TSHZ2: variants seen among roughly 807,000 people sequenced by gnomAD.
The protein encoded by TSHZ2 is teashirt homolog 2.
TSHZ2 carries 21 observed loss-of-function variants against 74.4 expected under a neutral mutation model. That is an observed-to-expected ratio of 0.28 (90% CI 0.20 to 0.41). The LOEUF (loss-of-function observed/expected upper bound fraction) is 0.41. TSHZ2 is among the 10% of genes least tolerant of loss of function. The pLI, the probability that TSHZ2 is intolerant of heterozygous loss-of-function variation, is 1.00. For missense variants in TSHZ2, 1,244 were observed against 1,293.5 expected, an observed-to-expected ratio of 0.96 and a Z score of 0.59; for synonymous variants, 540 against 515.3, an observed-to-expected ratio of 1.05 and a Z score of -0.65.
Position 53,185,427 on chromosome 20 carries a change from C to A in TSHZ2, c.41-68072C>A, listed in dbSNP as rs1018305677. ...AGGTGGTTCAAGCCTGTGATTCCAG[C>A]ACTTTGGGAGGCCGAGGCAGGCAGA... On this transcript the variant is annotated intron_variant, in intron 1 of 2. Transcript: ENST00000371497. The A allele has an allele frequency of 2.3e-6, 3 of 1,307,576 alleles. No homozygotes were observed. The Admixed American group carries it at 9.5e-5, about 41-fold the overall frequency. 81.0% of individuals were successfully genotyped at this position (1,307,576 alleles called of 1,614,324 possible). A position where few individuals can be genotyped will look rare whatever the true frequency, so the allele number is the denominator to read the frequency against.
intron 2 of TSHZ2, among the ~76,000 whole-genome samples, chr20:53,303,764 T>C (rs1978402602): frequency 6.6e-6 from 1 of 152,212 alleles, no homozygotes; most frequent in African/African-American, 2.4e-5. Context: ...ATCTGTGAAA[T>C]GGAGAAAATA....
chr20:53,175,117 CCTT>C (rs142586133), intron 1 of TSHZ2, among the ~76,000 whole-genome samples: 201 of 141,822 alleles, frequency 1.4e-3, no homozygotes, highest in Admixed American at 3.0e-3. Flanking sequence ...TCCTTCTCCT[CCTT>C]CTTCTTCTTT....
At chr20:53,362,556 G>A (rs73278212) in intron 2 of TSHZ2, among the ~76,000 whole-genome samples, 10 of 152,224 alleles carry the variant, frequency 6.6e-5, no homozygotes, top group Admixed American at 1.3e-4. Flanking sequence ...ACTGTACTTC[G>A]TTCTAACTGT....
In TSHZ2 at chr20:53,134,029, CAGAT is replaced by C. The variant is rs61085644; in HGVS notation, c.41-119467_41-119464del. Among the ~76,000 whole-genome samples, 799 of 146,184 alleles carry C rather than the reference CAGAT, an allele frequency of 5.5e-3. 9 individuals are homozygous for C. Among genetic ancestry groups the C allele is most frequent in the African/African-American group, 0.019 (739 of 38,854 alleles). On this transcript the variant is annotated intron_variant, in intron 1 of 2. Transcript: ENST00000371497. Reference sequence around the variant, plus strand: ...AAGACCTTGATACTATCTGGAGAAACAGATAGCCACAAAAAGTACTTTGAAAAAT... The same window carrying C: ...AAGACCTTGATACTATCTGGAGAAACAGCCACAAAAAGTACTTTGAAAAAT...
intron 1 of TSHZ2, among the ~76,000 whole-genome samples, chr20:53,039,253 C>T (rs1018763374): frequency 1.1e-4 from 17 of 152,010 alleles, no homozygotes; most frequent in Admixed American, 7.9e-4. Context: ...GAACCTACCC[C>T]GATCATCTGA....
At chr20:53,342,142 C>T (rs979671637) in intron 2 of TSHZ2, among the ~76,000 whole-genome samples, 5 of 152,156 alleles carry the variant, frequency 3.3e-5, no homozygotes, top group African/African-American at 7.2e-5. Context: ...TGAACCAGCA[C>T]GGATACGTTA....
intron 2 of TSHZ2, among the ~76,000 whole-genome samples, chr20:53,386,039 A>T (rs999239680): frequency 6.6e-6 from 1 of 152,184 alleles, no homozygotes; most frequent in Non-Finnish European, 1.5e-5. Flanking sequence ...CCCTGCCTCC[A>T]AATGAGCCTG....
intron 2 of TSHZ2, among the ~76,000 whole-genome samples, chr20:53,342,955 CTTTTTTTTTTTTTT>C (rs1175907478): frequency 0.021 from 1,290 of 61,364 alleles, 44 homozygotes; most frequent in African/African-American, 0.08. Context: ...CTTTTCTTTT[CTTTTTTTTTTTTTT>C]TTTTTTTTTT....
intron 2 of TSHZ2, among the ~76,000 whole-genome samples, chr20:53,382,744 T>C (rs1981903951): frequency 6.6e-6 from 1 of 152,178 alleles, no homozygotes; most frequent in Admixed American, 6.5e-5. Context: ...GAATTAATAG[T>C]AACTGCTGCA....
intron 1 of TSHZ2, among the ~76,000 whole-genome samples, chr20:53,030,357 A>G (rs1425895677): frequency 2.0e-5 from 3 of 152,276 alleles, no homozygotes; most frequent in Non-Finnish European, 2.9e-5. Flanking sequence ...GACTTAAAAA[A>G]AAAAAAAAAA....
chr20:52,981,844 A>C lies in TSHZ2; in HGVS notation c.40+8511A>C, dbSNP rs540177218. On this transcript the variant is annotated intron_variant, in intron 1 of 2. Transcript: ENST00000371497. ...TACATACCACGTGCTTTATATGTTT[A>C]CATTTATTCGTTTACACGGCAGTTA... 5.3e-5 allele frequency among the ~76,000 whole-genome samples: 8 copies of C among 152,346 alleles called. No homozygotes were observed. In the South Asian group the frequency reaches 1.7e-3, roughly 32 times the overall value.
intron 1 of TSHZ2, among the ~76,000 whole-genome samples, chr20:53,182,026 A>G (rs958501873): frequency 2.0e-5 from 3 of 152,180 alleles, no homozygotes; most frequent in African/African-American, 7.2e-5. Flanking sequence ...GATATTATGC[A>G]TCAGTCCATG....
chr20:53,131,055 G>A lies in TSHZ2; in HGVS notation c.41-122444G>A, dbSNP rs1354862612. Among the ~76,000 whole-genome samples, 3 of 152,344 alleles carry A rather than the reference G, an allele frequency of 2.0e-5. No individual in the cohort carries two copies. The East Asian group carries it at 5.8e-4, about 29-fold the overall frequency. Reference sequence around the variant, plus strand: ...GTGATGATGATTTCATTTTATGTATGTGTCTTCCAAAGAGGAAGAAAAATA... The same window carrying A: ...GTGATGATGATTTCATTTTATGTATATGTCTTCCAAAGAGGAAGAAAAATA... On this transcript the variant is annotated intron_variant, in intron 1 of 2. Coordinates refer to ENST00000371497, the MANE Select transcript of TSHZ2 (RefSeq NM_173485.6).
chr20:52,977,078 A>G (rs1463138386), intron 1 of TSHZ2, among the ~76,000 whole-genome samples: 3 of 152,224 alleles, frequency 2.0e-5, no homozygotes. Flanking sequence ...CATAGTCAAC[A>G]GGGACAACTC....
chr20:53,365,944 C>G (rs1799799633), intron 2 of TSHZ2, among the ~76,000 whole-genome samples: 1 of 152,190 alleles, frequency 6.6e-6, no homozygotes, highest in South Asian at 2.1e-4. Flanking sequence ...CCTCATTGTT[C>G]TTTGATCTTT....
chr20:53,170,965 A>C (rs983555052), intron 1 of TSHZ2, among the ~76,000 whole-genome samples: 6 of 151,852 alleles, frequency 4.0e-5, no homozygotes, highest in African/African-American at 1.5e-4. Context: ...AAAAAAAAAA[A>C]ACACAAAAAG....
At chr20:53,453,501 C>T (rs1600652190) in intron 2 of TSHZ2, among the ~76,000 whole-genome samples, 1 of 152,024 alleles carries the variant, frequency 6.6e-6, no homozygotes, top group African/African-American at 2.4e-5. Flanking sequence ...TTCCTGTGCT[C>T]TAATAATAGA....
Position 53,255,741 on chromosome 20 carries a change from C to T in TSHZ2, c.2283C>T (p.Ser761=), listed in dbSNP as rs201024272. ...CCAGGCGCTACCTGTTTGAGAACAGCGATCAGCCCATTGACCTGACCAAGT... is the reference window on the plus strand; with the variant it reads ...CCAGGCGCTACCTGTTTGAGAACAGTGATCAGCCCATTGACCTGACCAAGT... ...SVSRRYLFEN[S]DQPIDLTKSK... is the part of the protein sequence containing the mutation. The change falls in exon 2 of 3, where the codon AGC becomes AGT. Residue 761 remains serine (S), a synonymous_variant. Transcript: ENST00000371497. The surrounding 1 kb of genome is among the most constrained non-coding windows in gnomAD (Gnocchi z 4.1). 40 of 1,613,378 alleles carry T rather than the reference C, an allele frequency of 2.5e-5. No homozygotes were observed. Among genetic ancestry groups the T allele is most frequent in the East Asian group, 8.9e-5 (4 of 44,866 alleles).
chr20:53,153,522 A>G (rs1329909150), intron 1 of TSHZ2, among the ~76,000 whole-genome samples: 1 of 152,192 alleles, frequency 6.6e-6, no homozygotes, highest in Non-Finnish European at 1.5e-5. Flanking sequence ...CCAGTAACTC[A>G]CAGAATGGAT....
Sources: allele counts gnomAD v4.1 joint callset (sites outside exome capture counted in the v4.1 genomes callset), GRCh38; gene constraint gnomAD v4.1.1; non-coding constraint Gnocchi (gnomAD v3.1); transcripts MANE v1.5; gene names NCBI Gene and HGNC (gene_info 2026-07-23, HGNC 2026-07-21).